Variants in ZPBP observed in about 807,000 individuals in gnomAD.
ZPBP encodes the protein zona pellucida binding protein.
Under a neutral mutation model 44.8 loss-of-function variants are expected in ZPBP, and 26 were observed. That is an observed-to-expected ratio of 0.58 (90% confidence interval 0.43 to 0.81). ZPBP has a LOEUF of 0.81. Among genes scored for constraint, ZPBP ranks in the 30% least tolerant of loss-of-function variants. The pLI, the probability that ZPBP is intolerant of heterozygous loss-of-function variation, is 0.00. For missense variants in ZPBP, 409 were observed against 434.0 expected (o/e 0.94, Z 0.51); for synonymous variants, 174 against 153.2 (o/e 1.14, Z -1.00).
intron 7 of ZPBP, among the ~76,000 whole-genome samples, chr7:49,981,602 A>AATTATGT (rs1233125362): frequency 2.8e-5 from 1 of 36,072 alleles, no homozygotes; most frequent in Non-Finnish European, 4.5e-5. Flanking sequence ...TAATTATATA[A>AATTATGT]ATTATATAAT....
At chr7:49,892,187 G>C (rs1430214325) in intron 2 of ZPBP, among the ~76,000 whole-genome samples, 2 of 151,306 alleles carry the variant, frequency 1.3e-5, no homozygotes, top group Non-Finnish European at 2.9e-5. Flanking sequence ...TGGGACTACA[G>C]GCGCCCACCA....
chr7:50,076,140 G>A (rs935271642), intron 3 of ZPBP, among the ~76,000 whole-genome samples: 2 of 151,622 alleles, frequency 1.3e-5, no homozygotes, highest in African/African-American at 4.8e-5. Flanking sequence ...TTAACAGAAT[G>A]AAGGATAAAA....
At chr7:50,077,175 C>T (rs904821820) in intron 3 of ZPBP, among the ~76,000 whole-genome samples, 26 of 151,806 alleles carry the variant, frequency 1.7e-4, no homozygotes, top group Admixed American at 1.1e-3. Context: ...ATAAGTGGTT[C>T]TGGGAAAACT....
chr7:49,970,453 A>C (rs1796251159), intron 7 of ZPBP, among the ~76,000 whole-genome samples: 1 of 138,918 alleles, frequency 7.2e-6, no homozygotes. Context: ...CCTCCACACA[A>C]CAGCTGAATA....
chr7:49,845,004 T>G, the ZPBP span, among the ~76,000 whole-genome samples: 3 of 152,162 alleles, frequency 2.0e-5, no homozygotes, highest in African/African-American at 7.2e-5. Flanking sequence ...TTCGTCCTCA[T>G]TTTTGGGCTT....
intron 6 of ZPBP, among the ~76,000 whole-genome samples, chr7:49,997,429 G>T (rs1292104550): frequency 6.6e-6 from 1 of 152,090 alleles, no homozygotes; most frequent in Non-Finnish European, 1.5e-5. Flanking sequence ...ATTTTCCTTA[G>T]ATTTCTACTT....
At chr7:49,847,024 G>T (rs1789969838), downstream of ZPBP, among the ~76,000 whole-genome samples, 1 of 152,186 alleles carries the variant, frequency 6.6e-6, no homozygotes, top group Non-Finnish European at 1.5e-5. Context: ...CTTGCAGTGA[G>T]CAGAAGGTCT....
intron 4 of ZPBP, 131 bp from the exon 5 acceptor site, chr7:50,031,441 T>C (rs1799604716): frequency 1.4e-6 from 1 of 715,792 alleles, no homozygotes; most frequent in Admixed American, 3.0e-5. Flanking sequence ...ATTATATTTA[T>C]TTTTAGTTCT....
intron 4 of ZPBP, among the ~76,000 whole-genome samples, chr7:50,048,381 T>C (rs1375187001): frequency 6.6e-6 from 1 of 151,818 alleles, no homozygotes; most frequent in Non-Finnish European, 1.5e-5. Context: ...GATCTGAGAG[T>C]CATCTACAGT....
At chr7:49,973,719 G>A (rs1796390426) in intron 7 of ZPBP, among the ~76,000 whole-genome samples, 1 of 152,204 alleles carries the variant, frequency 6.6e-6, no homozygotes, top group Middle Eastern at 3.4e-3. Context: ...AAACTGGAAG[G>A]CTTGTATATT....
intron 2 of ZPBP, among the ~76,000 whole-genome samples, chr7:49,887,512 G>T (rs1022698878): frequency 8.8e-6 from 1 of 113,806 alleles, no homozygotes; most frequent in African/African-American, 3.8e-5. Context: ...TAATTGTGGG[G>T]TATTAGATAA....
chr7:50,061,823 G>A (rs1228611708), intron 3 of ZPBP, among the ~76,000 whole-genome samples: 3 of 152,150 alleles, frequency 2.0e-5, no homozygotes, highest in East Asian at 3.9e-4. Context: ...GAACCTGAGA[G>A]GCAGAGGTTG....
intron 3 of ZPBP, among the ~76,000 whole-genome samples, chr7:50,058,535 C>G (rs1171565421): frequency 6.6e-6 from 1 of 151,954 alleles, no homozygotes; most frequent in Non-Finnish European, 1.5e-5. Context: ...AAATTATGCC[C>G]TCAGTAAGCT....
At chr7:49,880,718 A>G (rs1038613323) in intron 2 of ZPBP, among the ~76,000 whole-genome samples, 1 of 152,010 alleles carries the variant, frequency 6.6e-6, no homozygotes, top group African/African-American at 2.4e-5. Context: ...GCATTAGGAG[A>G]TACACCTAAT....
At chr7:50,069,823 G>C (rs1168850825) in intron 3 of ZPBP, among the ~76,000 whole-genome samples, 1 of 151,936 alleles carries the variant, frequency 6.6e-6, no homozygotes, top group Non-Finnish European at 1.5e-5. Flanking sequence ...GCCTTCCCCT[G>C]TCATAGCCTG....
At chr7:49,990,395 AG>A (rs1351684874) in intron 6 of ZPBP, among the ~76,000 whole-genome samples, 1 of 152,190 alleles carries the variant, frequency 6.6e-6, no homozygotes, top group East Asian at 1.9e-4. Context: ...CAGGGATACA[AG>A]GACGGATGAA....
intron 3 of ZPBP, among the ~76,000 whole-genome samples, chr7:50,058,533 C>T (rs1801083110): frequency 1.3e-5 from 2 of 151,924 alleles, no homozygotes; most frequent in Admixed American, 1.3e-4. Context: ...ATAAATTATG[C>T]CCTCAGTAAG....
At chr7:49,934,705 T>C (rs1398489129), downstream of ZPBP, among the ~76,000 whole-genome samples, 1 of 152,174 alleles carries the variant, frequency 6.6e-6, no homozygotes, top group Non-Finnish European at 1.5e-5. Context: ...CAGAAATTAA[T>C]ACCATTGGAT....
intron 2 of ZPBP, among the ~76,000 whole-genome samples, chr7:50,088,197 A>G (rs1055896935): frequency 6.6e-6 from 1 of 151,998 alleles, no homozygotes; most frequent in Non-Finnish European, 1.5e-5. Context: ...CGCTTCAACA[A>G]ATGGTGATAA....
Sources: allele counts gnomAD v4.1 joint callset (sites outside exome capture counted in the v4.1 genomes callset), GRCh38; gene constraint gnomAD v4.1.1; transcripts MANE v1.5; gene names NCBI Gene and HGNC (gene_info 2026-07-23, HGNC 2026-07-21).